ZSWIM4: variants seen among roughly 807,000 people sequenced by gnomAD.
ZSWIM4 encodes the protein zinc finger SWIM-type containing 4, also known as zinc finger SWIM domain-containing protein 4.
A neutral mutation model predicts 102.5 loss-of-function variants in ZSWIM4; 62 were observed. The ratio of observed to expected loss-of-function variants is 0.60; its 90% confidence interval spans 0.49 to 0.75. The LOEUF is 0.75. Among genes scored for constraint, ZSWIM4 ranks in the 30% least tolerant of loss-of-function variants. The pLI, the probability that ZSWIM4 is intolerant of heterozygous loss-of-function variation, is 0.00. For synonymous variants in ZSWIM4, 652 were observed against 674.5 expected (o/e 0.97, Z 0.52); for missense variants, 1,280 against 1,529.6 (o/e 0.84, Z 2.72).
At chr19:13,827,525 G>T (rs1218989083) in intron 12 of ZSWIM4, among the ~76,000 whole-genome samples, 1 of 144,038 alleles carries the variant, frequency 6.9e-6, no homozygotes, top group Non-Finnish European at 1.5e-5. Context: ...CCCAGGAGGT[G>T]TAGGTTACAG....
chr19:13,811,304 T>C (rs772291636), intron 5 of ZSWIM4, among the ~76,000 whole-genome samples: 2 of 152,146 alleles, frequency 1.3e-5, no homozygotes, highest in South Asian at 2.1e-4. Context: ...CTGTCTATTA[T>C]AGTAAAAAAG....
chr19:13,802,744 A>C (rs1429672841), intron 2 of ZSWIM4, among the ~76,000 whole-genome samples: 4 of 151,902 alleles, frequency 2.6e-5, no homozygotes, highest in African/African-American at 9.7e-5. Flanking sequence ...ACACTTGACT[A>C]GTTTTTAAGT....
chr19:13,830,453 C>T lies in ZSWIM4; in HGVS notation c.2724C>T (p.Ile908=). 2.5e-6 allele frequency: 4 copies of T among 1,606,874 alleles called. No homozygotes were observed. Among genetic ancestry groups the T allele is most frequent in the Admixed American group, 1.7e-5 (1 of 60,022 alleles). ...NHSAFEAAYQ[I]VLDAAAGGLG... ...CGGCCTTCGAGGCGGCCTACCAGAT[C>T]GTGCTGGACGCGGCGGCCGGCGGCC... The change falls in exon 14 of 14, where the codon ATC becomes ATT. Residue 908 remains isoleucine, a synonymous_variant. Transcript: ENST00000590508.
intron 2 of ZSWIM4, among the ~76,000 whole-genome samples, chr19:13,802,304 C>T (rs1326983782): frequency 8.1e-5 from 12 of 147,758 alleles, no homozygotes; most frequent in Admixed American, 1.3e-4. Context: ...GATAGAGTCT[C>T]GGCCGGGCAC....
At chr19:13,826,601 C>T (rs1226621490) in intron 12 of ZSWIM4, among the ~76,000 whole-genome samples, 1 of 151,968 alleles carries the variant, frequency 6.6e-6, no homozygotes, top group African/African-American at 2.4e-5. Context: ...TCCGTCTCTA[C>T]TAAAAATACA....
chr19:13,797,646 GTATT>G (rs3981259), intron 1 of ZSWIM4, among the ~76,000 whole-genome samples: 71,280 of 151,286 alleles, frequency 0.47, 20,898 homozygotes, highest in African/African-American at 0.85. Flanking sequence ...GAAAATCTTT[GTATT>G]TATTTATTTA....
chr19:13,813,270 G>T, intron 6 of ZSWIM4, 106 bp downstream of exon 6: 1 of 939,560 alleles, frequency 1.1e-6, no homozygotes, highest in Non-Finnish European at 1.6e-6. Context: ...GAGTGGGGCA[G>T]AGCAAAGCAG....
chr19:13,813,030 A>G lies in ZSWIM4; in HGVS notation c.1046A>G (p.His349Arg), dbSNP rs748123433. 1 of 1,613,314 alleles carries G rather than the reference A, an allele frequency of 6.2e-7. No individual in the cohort carries two copies. Among genetic ancestry groups the G allele is most frequent in the Admixed American group, 1.7e-5 (1 of 59,974 alleles). Residue 349 changes from histidine to arginine, a missense_variant, in exon 6 of 14, where the codon CAC (histidine) becomes CGC (arginine). Physicochemically the swap from His to Arg is conservative, Grantham distance 29. Coordinates refer to ENST00000590508, the MANE Select transcript of ZSWIM4 (RefSeq NM_001367834.3). ...ALWVCVVLSP[H>R]CKPEERAGWL... ...TGGGTTTGCGTCGTCCTGAGCCCCC[A>G]CTGCAAACCAGAGGAAAGGGCAGGC...
chr19:13,796,216 C>T (rs548517635), intron 1 of ZSWIM4, among the ~76,000 whole-genome samples: 1 of 150,822 alleles, frequency 6.6e-6, no homozygotes, highest in South Asian at 2.1e-4. Flanking sequence ...ACCTTATCCC[C>T]CAACGGTACC....
intron 2 of ZSWIM4, among the ~76,000 whole-genome samples, chr19:13,802,329 G>A (rs1256656284): frequency 6.8e-6 from 1 of 147,576 alleles, no homozygotes; most frequent in Non-Finnish European, 1.5e-5. Flanking sequence ...GCTCACACCT[G>A]TAATCCCAGC....
chr19:13,831,036 G>T lies in ZSWIM4; in HGVS notation c.3307G>T (p.Glu1103Ter). The T allele has an allele frequency of 6.3e-7, 1 of 1,591,810 alleles. No individual in the cohort carries two copies. The highest frequency in any genetic ancestry group is 1.3e-5 in the African/African-American group (1 of 74,456). Residue 1103 changes from glutamate to a stop codon, truncating the protein, a stop_gained, in exon 14 of 14, where the codon GAG (glutamate) becomes TAG (stop). Transcript: ENST00000590508. LOFTEE classifies it high-confidence loss of function. ...GKKKLMLLVRERFG is the reference protein window; with the variant it reads ...GKKKLMLLVR ...GAAGAAACTCATGCTTTTGGTGCGGGAGCGTTTTGGTTGAGGGACAGTGGG... is the reference window on the plus strand; with the variant it reads ...GAAGAAACTCATGCTTTTGGTGCGGTAGCGTTTTGGTTGAGGGACAGTGGG...
intron 10 of ZSWIM4, among the ~76,000 whole-genome samples, chr19:13,821,208 C>T (rs555452439): frequency 6.7e-6 from 1 of 150,076 alleles, no homozygotes; most frequent in Non-Finnish European, 1.5e-5. Context: ...GACTTAAACC[C>T]GGGAGGTGGA....
At position 13,830,557 on chromosome 19, in the gene ZSWIM4, C is replaced by T. The variant is rs773975477; in HGVS notation, c.2828C>T (p.Thr943Met). Reference protein sequence around the residue: ...GLPLRAYKLATLALAQLSIAF... With the variant: ...GLPLRAYKLAMLALAQLSIAF... ...CCGCTCCGGGCCTACAAGCTGGCGACGCTGGCCCTGGCGCAGCTCAGCATC... is the reference window on the plus strand; with the variant it reads ...CCGCTCCGGGCCTACAAGCTGGCGATGCTGGCCCTGGCGCAGCTCAGCATC... Residue 943 changes from threonine to methionine, a missense_variant, in exon 14 of 14, where the codon ACG becomes ATG. By Grantham distance (81) the Thr-to-Met change is moderately conservative (BLOSUM62 -1). Transcript: ENST00000590508. The T allele has an allele frequency of 1.9e-6, 3 of 1,599,514 alleles. No homozygotes were observed. Among genetic ancestry groups the T allele is most frequent in the Admixed American group, 3.3e-5 (2 of 59,984 alleles).
chr19:13,816,803 T>C (rs1377691027), intron 7 of ZSWIM4, among the ~76,000 whole-genome samples: 1 of 152,008 alleles, frequency 6.6e-6, no homozygotes, highest in African/African-American at 2.4e-5. Flanking sequence ...GTCACCAGTA[T>C]ATGGAAAAAC....
chr19:13,805,172 T>C (rs1171073491), intron 3 of ZSWIM4, 24 bp downstream of exon 3: 18 of 1,574,704 alleles, frequency 1.1e-5, no homozygotes, highest in Non-Finnish European at 1.6e-5. Flanking sequence ...GGGGGTCCGG[T>C]GGGGAGAGGA....
chr19:13,830,354 G>A lies in ZSWIM4; in HGVS notation c.2625G>A (p.Leu875=), dbSNP rs767947671. The change falls in exon 14 of 14, where the codon CTG becomes CTA. Residue 875 remains leucine (L), a synonymous_variant. Transcript: ENST00000590508. ...REELWACART[L]ALQCAMKDPQ... ...AGCTCTGGGCCTGCGCCCGCACCCT[G>A]GCCTTGCAGTGCGCGATGAAGGACC... 8 of 1,613,236 alleles carry A rather than the reference G, an allele frequency of 5.0e-6. No homozygotes were observed. In the South Asian group the frequency reaches 6.6e-5, roughly 13 times the overall value.
intron 8 of ZSWIM4, 93 bp from the exon 9 acceptor site, chr19:13,817,629 C>T (rs1029592081): frequency 6.8e-7 from 1 of 1,478,016 alleles, no homozygotes; most frequent in Non-Finnish European, 9.2e-7. Context: ...TAAAGCCTAC[C>T]CTGCGCCCAG....
chr19:13,805,120 G>C lies in ZSWIM4; in HGVS notation c.684G>C (p.Leu228=), dbSNP rs762404991. 2 of 1,599,362 alleles carry C rather than the reference G, an allele frequency of 1.3e-6. No homozygotes were observed. Among genetic ancestry groups the C allele is most frequent in the Admixed American group, 1.7e-5 (1 of 60,000 alleles). Residue 228 remains leucine (L), a synonymous_variant, in exon 3 of 14, where the codon CTG becomes CTC. Transcript: ENST00000590508. ...AGCGCTTGGCTGATGAGATCCTCCT[G>C]CTGGGCTCCGAGATCAACTTGGTGA... ...TAQRLADEIL[L]LGSEINLVNG...
At chr19:13,820,313 G>A (rs750637974) in intron 10 of ZSWIM4, among the ~76,000 whole-genome samples, 2 of 151,968 alleles carry the variant, frequency 1.3e-5, no homozygotes, top group African/African-American at 4.8e-5. Flanking sequence ...TCTGCTCAGT[G>A]CAACCTCTGC....
Sources: allele counts gnomAD v4.1 joint callset (sites outside exome capture counted in the v4.1 genomes callset), GRCh38; gene constraint gnomAD v4.1.1; transcripts MANE v1.5; gene names NCBI Gene and HGNC (gene_info 2026-07-23, HGNC 2026-07-21).